Variants in RILPL1 observed in about 807,000 individuals in gnomAD.
RILPL1 encodes RILP-like protein 1.
In RILPL1, 33 loss-of-function variants were observed where a neutral mutation model predicts 50.3. The ratio of observed to expected loss-of-function variants is 0.66; its 90% CI spans 0.50 to 0.88. RILPL1 has a LOEUF of 0.88. RILPL1 is among the 40% of genes least tolerant of loss of function. The probability of loss-of-function intolerance (pLI) is 0.00; values close to 1 mark genes in which losing one functional copy is unlikely to be tolerated. For synonymous variants in RILPL1, 205 were observed against 228.6 expected, an observed-to-expected ratio of 0.90 and a Z score of 0.93; for missense variants, 418 against 542.5, an observed-to-expected ratio of 0.77 and a Z score of 2.28.
chr12:123,488,727 C>T (rs916581615), intron 4 of RILPL1, among the ~76,000 whole-genome samples: 4 of 152,160 alleles, frequency 2.6e-5, no homozygotes, highest in Non-Finnish European at 5.9e-5. Flanking sequence ...GCCTTGGGGT[C>T]GGAGTCAGCA....
At position 123,522,172 on chromosome 12, in the gene RILPL1, C is replaced by G. The variant is rs1885091468; in HGVS notation, c.460+1323G>C. ...TTCCATCAAACATGAGGAAGAGGCT[C>G]ATGTGGGGAGCTAAGGAGTTTCTCA... On this transcript the variant is annotated intron_variant, in intron 2 of 6. Coordinates refer to ENST00000376874, the MANE Select transcript of RILPL1 (RefSeq NM_178314.5). The surrounding 1 kb of genome is among the most constrained non-coding windows in gnomAD (Gnocchi z 4.0). Among the ~76,000 whole-genome samples, 1 of 152,200 alleles carries G rather than the reference C, an allele frequency of 6.6e-6. No homozygotes were observed. The highest frequency in any genetic ancestry group is 6.5e-5 in the Admixed American group (1 of 15,268).
intron 2 of RILPL1, among the ~76,000 whole-genome samples, chr12:123,520,911 C>G (rs1884979530): frequency 6.6e-6 from 1 of 152,204 alleles, no homozygotes; most frequent in Non-Finnish European, 1.5e-5. Flanking sequence ...AGTCTCCCCA[C>G]CAGCCTTAAC....
rs1023703003 is a variant in RILPL1 at position 123,491,224 on chromosome 12, G to A, written c.802-5419C>T. On this transcript the variant is annotated intron_variant, in intron 4 of 6. Transcript: ENST00000376874. This position sits in a 1 kb window ranked among gnomAD's most constrained non-coding sequence, Gnocchi z 4.0. ...AGATGGCAATCGAGCTCCATCTGCC[G>A]TGGTCCTCCTAGGCTTACTCCATGC... 6.6e-6 allele frequency among the ~76,000 whole-genome samples: 1 copy of A among 152,126 alleles called. No homozygotes were observed. Among genetic ancestry groups the A allele is most frequent in the Non-Finnish European group, 1.5e-5 (1 of 67,988 alleles).
chr12:123,489,535 G>A lies in RILPL1; in HGVS notation c.802-3730C>T, dbSNP rs1882552873. Among the ~76,000 whole-genome samples the A allele has an allele frequency of 3.3e-5, 5 of 151,830 alleles. No homozygotes were observed. The South Asian group carries it at 1.0e-3, about 32-fold the overall frequency. The stretch of plus-strand genomic sequence containing the variant: ...AAAAATTAGTCAGGCATGGTGGTGG[G>A]CACCTGTAATCCCAGCTGCTCGGGA... On this transcript the variant is annotated intron_variant, in intron 4 of 6. Transcript: ENST00000376874. This position sits in a 1 kb window ranked among gnomAD's most constrained non-coding sequence, Gnocchi z 4.0.
chr12:123,523,394 A>T (rs1885136465), intron 2 of RILPL1, 101 bp downstream of exon 2: 1 of 1,389,368 alleles, frequency 7.2e-7, no homozygotes, highest in Non-Finnish European at 1.0e-6. Context: ...GGAATCAGCC[A>T]GCACCGCATC....
intron 1 of RILPL1, among the ~76,000 whole-genome samples, chr12:123,524,518 A>C (rs1421102312): frequency 3.9e-5 from 6 of 152,182 alleles, no homozygotes; most frequent in African/African-American, 7.2e-5. Context: ...CCCAGTACCC[A>C]AAAGGAGCCA....
chr12:123,524,042 G>A (rs1201231339), intron 1 of RILPL1, among the ~76,000 whole-genome samples: 1 of 152,216 alleles, frequency 6.6e-6, no homozygotes, highest in African/African-American at 2.4e-5. Flanking sequence ...CTCCAAGGGA[G>A]CCAGAGGCCT....
chr12:123,533,469 C>T lies in RILPL1; in HGVS notation c.14G>A (p.Arg5Gln), dbSNP rs1276382300. The T allele has an allele frequency of 6.6e-7, 1 of 1,526,496 alleles. No homozygotes were observed. Among genetic ancestry groups the T allele is most frequent in the Non-Finnish European group, 8.8e-7 (1 of 1,134,618 alleles). The allele number at this position is 1,526,496 out of a possible 1,614,324, so 94.6% of individuals were successfully genotyped here. A position where few individuals can be genotyped will look rare whatever the true frequency, so the allele number is the denominator to read the frequency against. The change falls in exon 1 of 7, where the codon CGG becomes CAG. Residue 5 changes from arginine to glutamine, a missense_variant. Transcript: ENST00000376874. The surrounding 1 kb of genome is among the most constrained non-coding windows in gnomAD (Gnocchi z 6.2). Reference sequence around the variant, plus strand: ...CGACTCGGCCGCCAGCGCCGACCCCCGCTCCTCCTCCATGGCCACCCTCCT... The same window carrying T: ...CGACTCGGCCGCCAGCGCCGACCCCTGCTCCTCCTCCATGGCCACCCTCCT... The part of the protein sequence containing the change: MEEE[R>Q]GSALAAESAL...
At chr12:123,499,211 C>T (rs1387082953) in intron 3 of RILPL1, among the ~76,000 whole-genome samples, 1 of 152,126 alleles carries the variant, frequency 6.6e-6, no homozygotes, top group Non-Finnish European at 1.5e-5. Flanking sequence ...GCCTGCTCAC[C>T]GGGCAGTGCC....
In RILPL1 at chr12:123,472,233, A is replaced by G; in HGVS notation, c.*305T>C. ...GCAAGTGATGTATTTGGCTTAAAGA[A>G]GCTTGTGTTACTGAAGTTAACGCAG... On this transcript the variant is annotated 3_prime_UTR_variant, in exon 7 of 7. Transcript: ENST00000376874. The G allele has an allele frequency of 3.1e-6, 1 of 317,702 alleles. No homozygotes were observed. Among genetic ancestry groups the G allele is most frequent in the Non-Finnish European group, 5.9e-6 (1 of 170,666 alleles). The allele number at this position is 317,702 out of a possible 1,614,324, so 19.7% of individuals were successfully genotyped here.
intron 1 of RILPL1, among the ~76,000 whole-genome samples, chr12:123,529,718 G>A (rs116837176): frequency 6.6e-6 from 1 of 151,578 alleles, no homozygotes; most frequent in Non-Finnish European, 1.5e-5. Context: ...GTGACACCTT[G>A]TCTCTAAAGG....
At chr12:123,509,497 A>T (rs559388432) in intron 2 of RILPL1, among the ~76,000 whole-genome samples, 1 of 150,254 alleles carries the variant, frequency 6.7e-6, no homozygotes, top group African/African-American at 2.4e-5. Context: ...TGAAAGGTGG[A>T]GGTTGCAGTG....
In RILPL1 at chr12:123,498,676, G is replaced by T. The variant is rs563612042; in HGVS notation, c.669C>A (p.Ile223=). 10 of 1,613,502 alleles carry T rather than the reference G, an allele frequency of 6.2e-6. No homozygotes were observed. Among genetic ancestry groups the T allele is most frequent in the Non-Finnish European group, 8.5e-6 (10 of 1,179,888 alleles). The part of the protein sequence containing the change: ...TVVEAQGKAL[I]EQKVELEADL... ...CTGCCTCCAGCTCCACCTTCTGTTC[G>T]ATCAGGGCTTTCCCCTGGGCCTCCA... Residue 223 remains isoleucine (I), a synonymous_variant, in exon 4 of 7, where the codon ATC becomes ATA. Transcript: ENST00000376874. This position sits in a 1 kb window ranked among gnomAD's most constrained non-coding sequence, Gnocchi z 4.3.
chr12:123,514,074 C>T (rs191852987), intron 2 of RILPL1: 1 of 152,290 alleles, frequency 6.6e-6, no homozygotes. Context: ...AATGTCCCCC[C>T]GCTAAGAATG....
chr12:123,501,716 C>T (rs1241735686), intron 2 of RILPL1, among the ~76,000 whole-genome samples: 1 of 139,444 alleles, frequency 7.2e-6, no homozygotes, highest in East Asian at 2.2e-4. Context: ...GCCAAGATCA[C>T]GCTACTGCAC....
At chr12:123,521,598 AATATATATACACACATATGTGT>A (rs1196562835) in intron 2 of RILPL1, among the ~76,000 whole-genome samples, 46 of 5,710 alleles carry the variant, frequency 8.1e-3, no homozygotes, top group Non-Finnish European at 0.015. Flanking sequence ...TATATATATT[AATATATATACACACATATGTGT>A]ATATATATAC....
At chr12:123,478,844 G>C (rs987658883) in intron 6 of RILPL1, among the ~76,000 whole-genome samples, 7 of 152,248 alleles carry the variant, frequency 4.6e-5, no homozygotes, top group Non-Finnish European at 1.0e-4. Flanking sequence ...ACTGGTGCCT[G>C]GTGTTCACTG....
Position 123,533,188 on chromosome 12 carries a change from G to A in RILPL1, c.295C>T (p.Arg99Cys). The change falls in exon 1 of 7, where the codon CGC becomes TGC. Residue 99 changes from arginine (R) to cysteine (C), a missense_variant. Coordinates refer to ENST00000376874, the MANE Select transcript of RILPL1 (RefSeq NM_178314.5). This position sits in a 1 kb window ranked among gnomAD's most constrained non-coding sequence, Gnocchi z 6.2. ...CCGCCGCCCACCTTCTGGTGCTTGC[G>A]CTCCTTCTCGATGCGGTCCATCCTC... ...LERMDRIEKE[R>C]KHQKELELVE... 1 of 1,561,998 alleles carries A rather than the reference G, an allele frequency of 6.4e-7. No homozygotes were observed. Among genetic ancestry groups the A allele is most frequent in the Non-Finnish European group, 8.6e-7 (1 of 1,157,690 alleles).
intron 4 of RILPL1, among the ~76,000 whole-genome samples, chr12:123,488,521 T>G (rs1882492659): frequency 1.3e-5 from 2 of 151,436 alleles, no homozygotes; most frequent in Non-Finnish European, 2.9e-5. Context: ...AACTCCAGCC[T>G]GAATGTGCCC....
Sources: gnomAD v4.1 joint callset for allele counts (sites outside exome capture counted in the v4.1 genomes callset) on GRCh38, gnomAD v4.1.1 for gene constraint, Gnocchi (gnomAD v3.1) non-coding constraint, MANE v1.5 for transcripts, NCBI Gene and HGNC (gene_info 2026-07-23, HGNC 2026-07-21) for gene names.